Variants in BMP2K observed in about 807,000 individuals in gnomAD.
The protein encoded by BMP2K is BMP-2-inducible protein kinase.
A neutral mutation model predicts 116.0 loss-of-function variants in BMP2K; 74 were observed. The ratio of observed to expected loss-of-function variants is 0.64; its 90% confidence interval spans 0.53 to 0.77. The LOEUF (loss-of-function observed/expected upper bound fraction) is 0.77, where lower values mean the gene tolerates loss of function less well. BMP2K is among the 30% of genes least tolerant of loss of function. The pLI is 0.00. For missense variants in BMP2K, 1,365 were observed against 1,403.6 expected, an observed-to-expected ratio of 0.97 and a Z score of 0.44; for synonymous variants, 486 against 502.5, an observed-to-expected ratio of 0.97 and a Z score of 0.44.
chr4:78,875,177 A>C (rs191348915), intron 13 of BMP2K, among the ~76,000 whole-genome samples: 4 of 152,330 alleles, frequency 2.6e-5, no homozygotes, highest in Admixed American at 2.0e-4. Flanking sequence ...TATGTTGAGT[A>C]TAGTATCTTC....
rs1732282289 is a variant in BMP2K, at chr4:78,870,641, C to A, written c.1232-142C>A. On this transcript the variant is annotated intron_variant, in intron 10 of 15. Transcript: ENST00000502613. Reference sequence around the variant, plus strand: ...TACAATTAAAGTAAATCCCTATAAACTCTATGCATATGGAAGTTTTTGTGT... The same window carrying A: ...TACAATTAAAGTAAATCCCTATAAAATCTATGCATATGGAAGTTTTTGTGT... The A allele has an allele frequency of 5.2e-6, 6 of 1,147,848 alleles. No homozygotes were observed. In the South Asian group the frequency reaches 6.9e-5, roughly 13 times the overall value. The allele number at this position is 1,147,848 out of a possible 1,614,324, so 71.1% of individuals were successfully genotyped here.
intron 4 of BMP2K, 84 bp downstream of exon 4, chr4:78,842,611 A>C (rs1299065928): frequency 3.0e-6 from 4 of 1,327,870 alleles, no homozygotes; most frequent in Non-Finnish European, 4.0e-6. Flanking sequence ...ATCAGTATAA[A>C]AACTGGCTTT....
intron 10 of BMP2K, among the ~76,000 whole-genome samples, chr4:78,868,834 G>A (rs1428604628): frequency 6.6e-6 from 1 of 152,184 alleles, no homozygotes; most frequent in Non-Finnish European, 1.5e-5. Context: ...GGTTCCCATG[G>A]TCTTGGGCAG....
chr4:78,897,034 G>A (rs1049868014), intron 15 of BMP2K, among the ~76,000 whole-genome samples: 1 of 151,974 alleles, frequency 6.6e-6, no homozygotes, highest in Non-Finnish European at 1.5e-5. Context: ...TATATTGCTT[G>A]GGGGGAAATG....
chr4:78,837,994 G>A (rs377687435), intron 3 of BMP2K, among the ~76,000 whole-genome samples: 2 of 151,942 alleles, frequency 1.3e-5, no homozygotes, highest in East Asian at 3.9e-4. Context: ...CCATTTTCAC[G>A]CTGCTGATAA....
rs1735030637 is a variant in BMP2K, at chr4:78,916,060, A to G, written c.*4027A>G. On this transcript the variant is annotated 3_prime_UTR_variant, in exon 16 of 16. Transcript: ENST00000502613. ...TAAAGCAAATTTACATCTTTATTGT[A>G]TTTCTACTTGTTACAAAACATACTT... The G allele has an allele frequency of 6.6e-6, 1 of 151,836 alleles. No individual in the cohort carries two copies. The allele number at this position is 151,836 out of a possible 1,614,324, so 9.4% of individuals were successfully genotyped here.
At chr4:78,905,372 T>C (rs998669930) in intron 15 of BMP2K, among the ~76,000 whole-genome samples, 3 of 151,876 alleles carry the variant, frequency 2.0e-5, no homozygotes, top group African/African-American at 7.2e-5. Flanking sequence ...CATCAAAATA[T>C]CATTCTACCA....
At chr4:78,784,009 T>C (rs1044501042) in intron 1 of BMP2K, among the ~76,000 whole-genome samples, 1 of 152,152 alleles carries the variant, frequency 6.6e-6, no homozygotes, top group Non-Finnish European at 1.5e-5. Context: ...TGTTTCATCA[T>C]GGGGTGCACA....
intron 13 of BMP2K, among the ~76,000 whole-genome samples, chr4:78,873,473 T>C (rs1313615975): frequency 1.3e-5 from 2 of 152,198 alleles, no homozygotes; most frequent in Non-Finnish European, 2.9e-5. Flanking sequence ...TAGACTTCTG[T>C]TACATGAACA....
In BMP2K at chr4:78,887,212, G is replaced by T. The variant is rs368350914; in HGVS notation, c.1990G>T (p.Asp664Tyr). ...EERASSDKNV[D>Y]SLSAPHNHPP... ...GAGAGCATCCTCAGATAAGAATGTA[G>T]ACTCACTTTCTGCTCCACATAACCA... The change falls in exon 15 of 16, where the codon GAC (aspartate) becomes TAC (tyrosine). Residue 664 changes from aspartate (D) to tyrosine (Y), a missense_variant. This residue lies in a region of BMP2K where 596 missense variants were observed against 623.2 expected (regional missense o/e 0.96). Coordinates refer to ENST00000502613, the MANE Select transcript of BMP2K (RefSeq NM_198892.2). The T allele has an allele frequency of 1.2e-4, 186 of 1,611,326 alleles. No individual in the cohort carries two copies. The highest frequency in any genetic ancestry group is 2.5e-4 in the Admixed American group (15 of 59,734).
In BMP2K at chr4:78,888,919, T is replaced by TA. The variant is rs546265170; in HGVS notation, c.2062+1643dup. On this transcript the variant is annotated intron_variant, in intron 15 of 15. Coordinates refer to ENST00000502613, the MANE Select transcript of BMP2K (RefSeq NM_198892.2). The stretch of plus-strand genomic sequence containing the variant: ...TTCCTTAGATTTAGGACAGTGGCCT[T>TA]AAAAAAAATGCCCATTAATGGGCCG... Among the ~76,000 whole-genome samples the TA allele has an allele frequency of 1.7e-4, 26 of 151,896 alleles. 1 individual carries two copies. Among genetic ancestry groups the TA allele is most frequent in the African/African-American group, 6.0e-4 (25 of 41,448 alleles).
In BMP2K at chr4:78,912,481, CAGTT is replaced by C. The variant is rs1390163655; in HGVS notation, c.*450_*453del. 1.9e-5 allele frequency: 3 copies of C among 155,450 alleles called. No homozygotes were observed. Among genetic ancestry groups the C allele is most frequent in the African/African-American group, 7.2e-5 (3 of 41,432 alleles). 9.6% of individuals were successfully genotyped at this position (155,450 alleles called of 1,614,324 possible). ...TTTAAGGTCTCTTTTAATTTCCAGA[CAGTT>C]AAAAACAATCTAGTTATCTTAAAGC... On this transcript the variant is annotated 3_prime_UTR_variant, in exon 16 of 16. Coordinates refer to ENST00000502613, the MANE Select transcript of BMP2K (RefSeq NM_198892.2).
chr4:78,832,162 G>A (rs555510226), intron 2 of BMP2K, among the ~76,000 whole-genome samples: 1 of 152,028 alleles, frequency 6.6e-6, no homozygotes, highest in Admixed American at 6.6e-5. Context: ...GCATGAATAT[G>A]TGCATGCATC....
Position 78,872,776 on chromosome 4 carries a change from G to A in BMP2K, c.1771G>A (p.Asp591Asn). The A allele has an allele frequency of 6.2e-7, 1 of 1,613,952 alleles. No individual in the cohort carries two copies. The highest frequency in any genetic ancestry group is 8.5e-7 in the Non-Finnish European group (1 of 1,179,904). Residue 591 changes from aspartate to asparagine, a missense_variant, in exon 13 of 16, where the codon GAC (aspartate) becomes AAC (asparagine). Asp to Asn is a conservative substitution (Grantham distance 23). Coordinates refer to ENST00000502613, the MANE Select transcript of BMP2K (RefSeq NM_198892.2). Reference sequence around the variant, plus strand: ...TCCAGCTCAGGTTGGAACCATAATGGACTCCTCCTATAGTGCCAATAGGCA... The same window carrying A: ...TCCAGCTCAGGTTGGAACCATAATGAACTCCTCCTATAGTGCCAATAGGCA... ...SLPAQVGTIM[D>N]SSYSANRSVA...
chr4:78,842,645 C>T (rs1448604736), intron 4 of BMP2K, 118 bp downstream of exon 4: 2 of 844,026 alleles, frequency 2.4e-6, no homozygotes, highest in Non-Finnish European at 3.4e-6. Flanking sequence ...CTCTCCCCTT[C>T]TACATTTCCT....
At chr4:78,778,228 G>C (rs1727340144) in intron 1 of BMP2K, among the ~76,000 whole-genome samples, 1 of 152,000 alleles carries the variant, frequency 6.6e-6, no homozygotes, top group Non-Finnish European at 1.5e-5. Context: ...AAAAAATACT[G>C]ACATTTCACA....
rs1308389323 is a variant in BMP2K, at chr4:78,911,492, A to G, written c.2945A>G (p.Gln982Arg). The change falls in exon 16 of 16, where the codon CAA becomes CGA. Residue 982 changes from glutamine (Q) to arginine (R), a missense_variant. Physicochemically the swap from Gln to Arg is conservative, Grantham distance 43 (BLOSUM62 1). This residue lies in a region of BMP2K where 596 missense variants were observed against 623.2 expected (regional missense o/e 0.96). Coordinates refer to ENST00000502613, the MANE Select transcript of BMP2K (RefSeq NM_198892.2). ...QRSLQKLSSR[Q>R]RRTKQDMSKS... is the part of the protein sequence containing the mutation. ...AGCTTACAGAAACTGTCCTCTCGCCAAAGGCGCACAAAGCAGGATATGTCC... is the reference window on the plus strand; with the variant it reads ...AGCTTACAGAAACTGTCCTCTCGCCGAAGGCGCACAAAGCAGGATATGTCC... 1.2e-6 allele frequency: 2 copies of G among 1,613,966 alleles called. No individual in the cohort carries two copies. Among genetic ancestry groups the G allele is most frequent in the African/African-American group, 2.7e-5 (2 of 74,962 alleles).
chr4:78,841,402 CATT>C (rs564063619), intron 3 of BMP2K, among the ~76,000 whole-genome samples: 93 of 152,236 alleles, frequency 6.1e-4, no homozygotes, highest in African/African-American at 2.2e-3. Context: ...AATAAAGAAT[CATT>C]ATTAGACTAT....
chr4:78,825,111 G>A (rs542711777), intron 1 of BMP2K, among the ~76,000 whole-genome samples: 3 of 152,218 alleles, frequency 2.0e-5, no homozygotes, highest in Non-Finnish European at 4.4e-5. Context: ...GGCTGAGGCA[G>A]GAAAGTTGCT....
Sources: gnomAD v4.1 joint callset for allele counts (sites outside exome capture counted in the v4.1 genomes callset) on GRCh38, gnomAD v4.1.1 for gene constraint, gnomAD v4.1.1 regional missense constraint, MANE v1.5 for transcripts, NCBI Gene and HGNC (gene_info 2026-07-23, HGNC 2026-07-21) for gene names.